Variants in CHI3L1 observed in about 807,000 individuals in gnomAD.
CHI3L1 encodes the protein chitinase 3 like 1.
CHI3L1 carries 30 observed loss-of-function variants against 40.7 expected under a neutral mutation model. The ratio of observed to expected loss-of-function variants is 0.74; its 90% CI spans 0.55 to 1.00. CHI3L1 has a LOEUF of 1.00. Ranked by LOEUF, CHI3L1 falls within the 50% of genes least tolerant of loss-of-function variation. CHI3L1 has a pLI of 0.00. For missense variants in CHI3L1, 493 were observed against 492.2 expected (o/e 1.00, Z -0.01); for synonymous variants, 210 against 192.1 (o/e 1.09, Z -0.77).
At chr1:203,183,609 A>G (rs200389560) in intron 5 of CHI3L1, 32 bp downstream of exon 5, 3 of 1,610,774 alleles carry the variant, frequency 1.9e-6, no homozygotes, top group East Asian at 2.2e-5. Context: ...ATGCCTGCCC[A>G]CCTCCCTCCC....
chr1:203,179,322 C>T lies in CHI3L1; in HGVS notation c.*123G>A. The T allele has an allele frequency of 1.1e-6, 1 of 890,236 alleles. No homozygotes were observed. 55.1% of individuals were successfully genotyped at this position (890,236 alleles called of 1,614,324 possible). Reference sequence around the variant, plus strand: ...TGTGTTGTGGACCTCTGCATAGGCCCCAAGGGAGGGAGACTGAGGCTCAGC... The same window carrying T: ...TGTGTTGTGGACCTCTGCATAGGCCTCAAGGGAGGGAGACTGAGGCTCAGC... On this transcript the variant is annotated 3_prime_UTR_variant, in exon 10 of 10. Coordinates refer to ENST00000255409, the MANE Select transcript of CHI3L1 (RefSeq NM_001276.4).
intron 8 of CHI3L1, 115 bp downstream of exon 8, chr1:203,180,355 A>C: frequency 1.0e-6 from 1 of 998,762 alleles, no homozygotes; most frequent in Non-Finnish European, 1.5e-6. Context: ...ATGCTGGGGC[A>C]ACCGGACATT....
chr1:203,179,300 G>T lies in CHI3L1; in HGVS notation c.*145C>A. The T allele has an allele frequency of 1.4e-6, 1 of 704,966 alleles. No individual in the cohort carries two copies. Among genetic ancestry groups the T allele is most frequent in the Non-Finnish European group, 2.4e-6 (1 of 423,324 alleles). 43.7% of individuals were successfully genotyped at this position (704,966 alleles called of 1,614,324 possible). A position where few individuals can be genotyped will look rare whatever the true frequency, so the allele number is the denominator to read the frequency against. Reference sequence around the variant, plus strand: ...ACCAGGGCTGAGCTCAAATCTGTGTGTTGTGGACCTCTGCATAGGCCCCAA... The same window carrying T: ...ACCAGGGCTGAGCTCAAATCTGTGTTTTGTGGACCTCTGCATAGGCCCCAA... On this transcript the variant is annotated 3_prime_UTR_variant, in exon 10 of 10. Coordinates refer to ENST00000255409, the MANE Select transcript of CHI3L1 (RefSeq NM_001276.4).
chr1:203,184,624 T>C lies in CHI3L1; in HGVS notation c.266A>G (p.Asn89Ser), dbSNP rs910953894. 8.7e-6 allele frequency: 14 copies of C among 1,613,532 alleles called. No homozygotes were observed. Among genetic ancestry groups the C allele is most frequent in the African/African-American group, 2.7e-5 (2 of 74,834 alleles). ...MLNTLKNRNP[N>S]LKTLLSVGGW... ...TCCGACAGACAAGAGAGTCTTCAGGTTGGGGTTCCTGTGGAGCACAGGGAG... is the reference window on the plus strand; with the variant it reads ...TCCGACAGACAAGAGAGTCTTCAGGCTGGGGTTCCTGTGGAGCACAGGGAG... Residue 89 changes from asparagine to serine, a missense_variant, in exon 4 of 10, where the codon AAC (asparagine) becomes AGC (serine). Coordinates refer to ENST00000255409, the MANE Select transcript of CHI3L1 (RefSeq NM_001276.4).
rs947820557 is a variant in CHI3L1, at chr1:203,179,616, G to A, written c.1012-31C>T. 6 of 1,613,202 alleles carry A rather than the reference G, an allele frequency of 3.7e-6. No homozygotes were observed. The African/African-American group carries it at 5.3e-5, about 14-fold the overall frequency. On this transcript the variant is annotated intron_variant, in intron 9 of 9. Transcript: ENST00000255409. ...AGGGGAGGCCCAGAGGAGCAGGGCT[G>A]GGTTCCCTGACCCAGAGTGTGTACA... is the stretch of plus-strand genomic sequence containing the variant.
intron 2 of CHI3L1, 78 bp from the exon 3 acceptor site, chr1:203,185,463 A>G (rs1488202147): frequency 7.8e-7 from 1 of 1,286,006 alleles, no homozygotes; most frequent in Non-Finnish European, 1.1e-6. Context: ...CTGAGCACCA[A>G]TGGGGTGTGG....
chr1:203,180,011 G>T, intron 8 of CHI3L1, 134 bp from the exon 9 acceptor site: 1 of 768,978 alleles, frequency 1.3e-6, no homozygotes, highest in Non-Finnish European at 2.1e-6. Flanking sequence ...GGGTCTGCAG[G>T]CTGCATGCAT....
rs138989209 is a variant in CHI3L1, at chr1:203,180,508, G to T, written c.856C>A (p.Arg286=). 6.2e-7 allele frequency: 1 copy of T among 1,607,532 alleles called. No individual in the cohort carries two copies. Among genetic ancestry groups the T allele is most frequent in the Admixed American group, 1.7e-5 (1 of 58,250 alleles). The part of the protein sequence containing the change: ...APISGPGIPG[R]FTKEAGTLAY... ...AGGGTCCCTGCCTCCTTGGTGAACC[G>T]GCCTGGAATTCCCGGTCCTGAGATT... The change falls in exon 8 of 10, where the codon CGG becomes AGG. Residue 286 remains arginine (R), a synonymous_variant. Coordinates refer to ENST00000255409, the MANE Select transcript of CHI3L1 (RefSeq NM_001276.4).
rs780224525 is a variant in CHI3L1 at position 203,182,841 on chromosome 1, G to A, written c.477C>T (p.Ala159=). The A allele has an allele frequency of 7.2e-5, 116 of 1,613,902 alleles. No individual in the cohort carries two copies. The highest frequency in any genetic ancestry group is 9.0e-5 in the Non-Finnish European group (106 of 1,179,994). ...HFTTLIKEMK[A]EFIKEAQPGK... ...CTGGCTGGGCTTCCTTTATAAATTC[G>A]GCCTTCATTTCCTAGATGGGAGACA... The change falls in exon 6 of 10, where the codon GCC becomes GCT. Residue 159 remains alanine (A), a synonymous_variant. Coordinates refer to ENST00000255409, the MANE Select transcript of CHI3L1 (RefSeq NM_001276.4).
intron 8 of CHI3L1, chr1:203,180,115 C>G (rs147274993): frequency 1.7e-6 from 1 of 578,582 alleles, no homozygotes; most frequent in African/African-American, 1.9e-5. Flanking sequence ...AGATGTGAGG[C>G]CTGCTGGTTG....
At position 203,179,501 on chromosome 1, in the gene CHI3L1, G is replaced by C; in HGVS notation, c.1096C>G (p.Gln366Glu). 1 of 1,576,920 alleles carries C rather than the reference G, an allele frequency of 6.3e-7. No homozygotes were observed. Among genetic ancestry groups the C allele is most frequent in the Non-Finnish European group, 8.6e-7 (1 of 1,160,440 alleles). ...TTGGTGAGAGGGAAGCGCAGATCCTGGCCACAGAAGGAGCCCTGGAAGTCA... is the reference window on the plus strand; with the variant it reads ...TTGGTGAGAGGGAAGCGCAGATCCTCGCCACAGAAGGAGCCCTGGAAGTCA... ...LDDFQGSFCG[Q>E]DLRFPLTNAI... Residue 366 changes from glutamine to glutamate, a missense_variant, in exon 10 of 10, where the codon CAG (glutamine) becomes GAG (glutamate). Coordinates refer to ENST00000255409, the MANE Select transcript of CHI3L1 (RefSeq NM_001276.4).
Position 203,179,522 on chromosome 1 carries a change from A to C in CHI3L1, c.1075T>G (p.Phe359Val). ...AMVWALDLDD[F>V]QGSFCGQDLR... ...TCCTGGCCACAGAAGGAGCCCTGGA[A>C]GTCATCCAGGTCCAGGGCCCATACC... The change falls in exon 10 of 10, where the codon TTC (phenylalanine) becomes GTC (valine). Residue 359 changes from phenylalanine to valine, a missense_variant. Physicochemically the swap from Phe to Val is conservative, Grantham distance 50. Coordinates refer to ENST00000255409, the MANE Select transcript of CHI3L1 (RefSeq NM_001276.4). The C allele has an allele frequency of 6.3e-7, 1 of 1,593,776 alleles. No homozygotes were observed. Among genetic ancestry groups the C allele is most frequent in the South Asian group, 1.1e-5 (1 of 89,620 alleles).
chr1:203,181,833 C>T (rs546015526), intron 6 of CHI3L1: 14 of 152,864 alleles, frequency 9.2e-5, no homozygotes, highest in African/African-American at 3.4e-4. Flanking sequence ...GCCCAGCACA[C>T]ATTTGGGAGC....
intron 7 of CHI3L1, 59 bp from the exon 8 acceptor site, chr1:203,180,711 G>A (rs2102201367): frequency 3.0e-6 from 4 of 1,322,718 alleles, no homozygotes; most frequent in East Asian, 5.0e-5. Context: ...GGAAGGTTGA[G>A]CAATTAATAC....
chr1:203,179,982 T>G (rs1655900096), intron 8 of CHI3L1, 105 bp from the exon 9 acceptor site: 2 of 1,026,582 alleles, frequency 1.9e-6, no homozygotes, highest in East Asian at 4.9e-5. Context: ...TGCTCCATCC[T>G]GCAGCCTCAC....
rs201739718 is a variant in CHI3L1 at position 203,179,790 on chromosome 1, A to G, written c.982T>C (p.Tyr328His). The change falls in exon 9 of 10, where the codon TAC (tyrosine) becomes CAC (histidine). Residue 328 changes from tyrosine to histidine, a missense_variant. Coordinates refer to ENST00000255409, the MANE Select transcript of CHI3L1 (RefSeq NM_001276.4). ...CTTTTGACGCTTTCCTGGTCGTCGT[A>G]TCCTACCCACTGGTTGCCCTTGGTG... ...YATKGNQWVG[Y>H]DDQESVKSKV... The G allele has an allele frequency of 1.9e-4, 305 of 1,614,176 alleles. 1 individual carries two copies. The highest frequency in any genetic ancestry group is 1.6e-3 in the Middle Eastern group (10 of 6,062).
At chr1:203,182,965 C>CAGGT in intron 5 of CHI3L1, 113 bp from the exon 6 acceptor site, 5 of 1,097,684 alleles carry the variant, frequency 4.6e-6, no homozygotes, top group Non-Finnish European at 6.6e-6. Flanking sequence ...CCCAACCTGC[C>CAGGT]TGGGGCCTAG....
intron 9 of CHI3L1, 25 bp downstream of exon 9, chr1:203,179,736 G>A (rs779084360): frequency 6.2e-7 from 1 of 1,614,172 alleles, no homozygotes; most frequent in Admixed American, 1.7e-5. Context: ...TCTTTGTCCT[G>A]AGGTGTGGCC....
At chr1:203,186,415 C>A in intron 1 of CHI3L1, 70 bp from the exon 2 acceptor site, 1 of 1,556,244 alleles carries the variant, frequency 6.4e-7, no homozygotes, top group Non-Finnish European at 8.7e-7. Flanking sequence ...CTCCCCCAAG[C>A]AACTGAGACC....
Sources: allele counts gnomAD v4.1 joint callset, GRCh38; gene constraint gnomAD v4.1.1; transcripts MANE v1.5; gene names NCBI Gene and HGNC (gene_info 2026-07-23, HGNC 2026-07-21).